The following POLR2B variants were observed in gnomAD, a reference collection of about 807,000 sequenced individuals.
POLR2B encodes RNA polymerase II subunit B.
A neutral mutation model predicts 144.6 loss-of-function variants in POLR2B; 57 were observed. The ratio of observed to expected loss-of-function variants is 0.39; its 90% confidence interval spans 0.32 to 0.49. The LOEUF is 0.49. Ranked by LOEUF, POLR2B falls within the 20% of genes least tolerant of loss-of-function variation. The pLI is 0.83. For synonymous variants in POLR2B, 442 were observed against 469.8 expected, an observed-to-expected ratio of 0.94 and a Z score of 0.77; for missense variants, 595 against 1,467.4, an observed-to-expected ratio of 0.41 and a Z score of 9.71.
intron 2 of POLR2B, among the ~76,000 whole-genome samples, chr4:56,990,301 A>T (rs1004705711): frequency 1.5e-4 from 23 of 152,202 alleles, no homozygotes; most frequent in Non-Finnish European, 2.9e-4. Context: ...TCATGACTCA[A>T]TGCAGCCTCA....
chr4:56,978,952 T>G lies in POLR2B; in HGVS notation c.-34T>G. ...TCTGGGCGGTTTTTGTCTTTTGATT[T>G]CAAGAGTTAGGAGCTCGAGAACCGT... On this transcript the variant is annotated 5_prime_UTR_variant, in exon 1 of 25. Coordinates refer to ENST00000314595, the MANE Select transcript of POLR2B (RefSeq NM_000938.3). 1 of 1,612,502 alleles carries G rather than the reference T, an allele frequency of 6.2e-7. No individual in the cohort carries two copies. Among genetic ancestry groups the G allele is most frequent in the Non-Finnish European group, 8.5e-7 (1 of 1,178,688 alleles).
intron 10 of POLR2B, chr4:57,010,075 A>G (rs1212343770): frequency 3.2e-6 from 1 of 315,130 alleles, no homozygotes; most frequent in South Asian, 4.2e-5. Flanking sequence ...ACAACAGAGA[A>G]TAAAACAATT....
At position 56,978,925 on chromosome 4, in the gene POLR2B, C is replaced by A. The variant is rs2276896; in HGVS notation, c.-61C>A. The A allele has an allele frequency of 1.3e-6, 2 of 1,541,066 alleles. No individual in the cohort carries two copies. Among genetic ancestry groups the A allele is most frequent in the African/African-American group, 1.4e-5 (1 of 73,502 alleles). On this transcript the variant is annotated 5_prime_UTR_variant, in exon 1 of 25. Transcript: ENST00000314595. ...CGTCTTTAGCTCCTGGCGCTGCTGG[C>A]TTCTGGGCGGTTTTTGTCTTTTGAT...
intron 3 of POLR2B, among the ~76,000 whole-genome samples, chr4:56,993,736 G>C (rs541882393): frequency 2.0e-5 from 3 of 151,998 alleles, no homozygotes; most frequent in Non-Finnish European, 2.9e-5. Flanking sequence ...AGGATATTTT[G>C]TGTGTTTTTT....
At chr4:57,012,200 T>C (rs1328416350) in intron 13 of POLR2B, among the ~76,000 whole-genome samples, 1 of 151,750 alleles carries the variant, frequency 6.6e-6, no homozygotes, top group East Asian at 2.0e-4. Context: ...AGGTCAGGAG[T>C]TTGAGACCAG....
At position 57,023,180 on chromosome 4, in the gene POLR2B, G is replaced by A. The variant is rs73819063; in HGVS notation, c.2516-150G>A. 5,552 of 692,666 alleles carry A rather than the reference G, an allele frequency of 8.0e-3. 227 individuals carry two copies. In the African/African-American group the frequency reaches 0.089, roughly 11 times the overall value. 42.9% of individuals were successfully genotyped at this position (692,666 alleles called of 1,614,324 possible). Reference sequence around the variant, plus strand: ...TTTCTGTGTGGGCTGTAGTATTAGAGTTCAGAATAGTTTGTAATATTTGGA... The same window carrying A: ...TTTCTGTGTGGGCTGTAGTATTAGAATTCAGAATAGTTTGTAATATTTGGA... On this transcript the variant is annotated intron_variant, in intron 18 of 24. Coordinates refer to ENST00000314595, the MANE Select transcript of POLR2B (RefSeq NM_000938.3). This position sits in a 1 kb window ranked among gnomAD's most constrained non-coding sequence, Gnocchi z 4.3.
intron 3 of POLR2B, among the ~76,000 whole-genome samples, chr4:56,991,946 C>T (rs1722519499): frequency 6.6e-6 from 1 of 152,168 alleles, no homozygotes; most frequent in African/African-American, 2.4e-5. Context: ...GCATGAGCCA[C>T]TGCACCTGGC....
intron 1 of POLR2B, among the ~76,000 whole-genome samples, chr4:56,983,689 T>G (rs1722230112): frequency 6.6e-6 from 1 of 152,006 alleles, no homozygotes; most frequent in South Asian, 2.1e-4. Context: ...AAGAAAATTT[T>G]AGAGACGGGG....
rs1578592457 is a variant in POLR2B at position 57,023,630 on chromosome 4, C to T, written c.2767-32C>T. The T allele has an allele frequency of 1.2e-6, 2 of 1,610,202 alleles. No homozygotes were observed. Among genetic ancestry groups the T allele is most frequent in the Non-Finnish European group, 8.5e-7 (1 of 1,177,264 alleles). Reference sequence around the variant, plus strand: ...CTAGTTTTAGAAAGTAAACCAAATCCACTTAACTAACTTATTTTTATATGA... The same window carrying T: ...CTAGTTTTAGAAAGTAAACCAAATCTACTTAACTAACTTATTTTTATATGA... On this transcript the variant is annotated intron_variant, in intron 19 of 24. Transcript: ENST00000314595. This position sits in a 1 kb window ranked among gnomAD's most constrained non-coding sequence, Gnocchi z 4.3.
At chr4:57,006,524 C>G (rs1261489898) in intron 9 of POLR2B, among the ~76,000 whole-genome samples, 5 of 152,176 alleles carry the variant, frequency 3.3e-5, no homozygotes, top group Non-Finnish European at 7.3e-5. Flanking sequence ...AGGCTGGTCT[C>G]AAACTCCTGA....
chr4:56,988,157 G>C (rs983735523), intron 2 of POLR2B, among the ~76,000 whole-genome samples: 1 of 152,090 alleles, frequency 6.6e-6, no homozygotes, highest in African/African-American at 2.4e-5. Context: ...CTCTGTTTCT[G>C]GTGGCAGGGT....
At position 57,010,766 on chromosome 4, in the gene POLR2B, G is replaced by T. The variant is rs766998514; in HGVS notation, c.1567G>T (p.Val523Leu). Reference protein sequence around the residue: ...ETPEGHAVGLVKNLALMAYIS... With the variant: ...ETPEGHAVGLLKNLALMAYIS... ...TTTTTAGGGCCATGCTGTAGGACTT[G>T]TGAAGAATTTAGCCTTGATGGCGTA... Residue 523 changes from valine to leucine, a missense_variant, in exon 12 of 25, where the codon GTG becomes TTG. Around this residue, in one of 9 missense-constraint regions of POLR2B, gnomAD observed 7 missense variants for 82.5 expected, o/e 0.08. Coordinates refer to ENST00000314595, the MANE Select transcript of POLR2B (RefSeq NM_000938.3). 1 of 1,606,566 alleles carries T rather than the reference G, an allele frequency of 6.2e-7. No homozygotes were observed. The highest frequency in any genetic ancestry group is 1.1e-5 in the South Asian group (1 of 89,520).
Position 57,023,340 on chromosome 4 carries a change from T to C in POLR2B, c.2526T>C (p.His842=). 1 of 1,614,034 alleles carries C rather than the reference T, an allele frequency of 6.2e-7. No individual in the cohort carries two copies. The highest frequency in any genetic ancestry group is 8.5e-7 in the Non-Finnish European group (1 of 1,179,930). The change falls in exon 19 of 25, where the codon CAT becomes CAC. Residue 842 remains histidine (H), a synonymous_variant. Coordinates refer to ENST00000314595, the MANE Select transcript of POLR2B (RefSeq NM_000938.3). This position sits in a 1 kb window ranked among gnomAD's most constrained non-coding sequence, Gnocchi z 4.3. ...TCTATTTCCTCACAGGCATGAGGCA[T>C]GCCATTTACGACAAGCTGGATGATG... ...PTRETCQGMR[H]AIYDKLDDDG... is the part of the protein sequence containing the mutation.
intron 1 of POLR2B, among the ~76,000 whole-genome samples, chr4:56,984,369 C>T (rs1191018982): frequency 6.6e-6 from 1 of 151,620 alleles, no homozygotes; most frequent in East Asian, 1.9e-4. Flanking sequence ...ATTTTATTGA[C>T]ACATAATAGA....
chr4:57,018,958 T>C (rs1183443273), intron 16 of POLR2B, among the ~76,000 whole-genome samples: 2 of 152,218 alleles, frequency 1.3e-5, no homozygotes, highest in Non-Finnish European at 2.9e-5. Context: ...GGCACTGTTA[T>C]CTTTTGTATT....
chr4:57,023,286 C>T lies in POLR2B; in HGVS notation c.2516-44C>T. On this transcript the variant is annotated intron_variant, in intron 18 of 24. Transcript: ENST00000314595. This position sits in a 1 kb window ranked among gnomAD's most constrained non-coding sequence, Gnocchi z 4.3. ...CTGATTCATGTATGTGGTTTTTAAT[C>T]TTTGTTGGGGATTATGTGACATTCC... is the stretch of plus-strand genomic sequence containing the variant. The T allele has an allele frequency of 6.2e-7, 1 of 1,603,602 alleles. No individual in the cohort carries two copies. Among genetic ancestry groups the T allele is most frequent in the Non-Finnish European group, 8.5e-7 (1 of 1,173,424 alleles).
In POLR2B at chr4:57,005,691, G is replaced by A; in HGVS notation, c.1189G>A (p.Gly397Arg). 6.2e-7 allele frequency: 1 copy of A among 1,612,706 alleles called. No individual in the cohort carries two copies. Among genetic ancestry groups the A allele is most frequent in the South Asian group, 1.1e-5 (1 of 90,934 alleles). The change falls in exon 9 of 25, where the codon GGG (glycine) becomes AGG (arginine). Residue 397 changes from glycine to arginine, a missense_variant. Around this residue, in one of 9 missense-constraint regions of POLR2B, gnomAD observed 251 missense variants for 567.3 expected, o/e 0.44. Transcript: ENST00000314595. ...HYGNKRLDLA[G>R]PLLAFLFRGM... ...TGGAAACAAGAGATTGGATCTTGCT[G>A]GGCCGCTGCTTGCATTCTTATTTAG...
chr4:56,998,060 G>C (rs977723826), intron 6 of POLR2B, among the ~76,000 whole-genome samples: 5 of 152,186 alleles, frequency 3.3e-5, no homozygotes, highest in South Asian at 2.1e-4. Flanking sequence ...TGATAGGTTT[G>C]ATAAGATAAA....
chr4:56,981,529 G>A (rs1269723608), intron 1 of POLR2B, among the ~76,000 whole-genome samples: 1 of 152,182 alleles, frequency 6.6e-6, no homozygotes, highest in Non-Finnish European at 1.5e-5. Context: ...ATTCTTATTA[G>A]CAATGTATAA....
Sources: gnomAD v4.1 joint callset for allele counts (sites outside exome capture counted in the v4.1 genomes callset) on GRCh38, gnomAD v4.1.1 for gene constraint, gnomAD v4.1.1 regional missense constraint, Gnocchi (gnomAD v3.1) non-coding constraint, MANE v1.5 for transcripts, NCBI Gene and HGNC (gene_info 2026-07-23, HGNC 2026-07-21) for gene names.